SRRM3: variants seen among roughly 807,000 people sequenced by gnomAD.
The protein encoded by SRRM3 is serine/arginine repetitive matrix protein 3.
A neutral mutation model predicts 66.2 loss-of-function variants in SRRM3; 27 were observed. That is an observed-to-expected ratio of 0.41 (90% CI 0.30 to 0.56). SRRM3 has a LOEUF of 0.56. Among genes scored for constraint, SRRM3 ranks in the 20% least tolerant of loss-of-function variants. The pLI is 0.32. For synonymous variants in SRRM3, 391 were observed against 414.9 expected (o/e 0.94, Z 0.70); for missense variants, 918 against 991.9 (o/e 0.93, Z 1.00).
At chr7:76,208,347 A>G (rs1563604177) in intron 1 of SRRM3, among the ~76,000 whole-genome samples, 2 of 152,160 alleles carry the variant, frequency 1.3e-5, no homozygotes, top group Non-Finnish European at 1.5e-5. Flanking sequence ...TCCAGATGAT[A>G]CTAGAAGTGA....
chr7:76,277,157 C>A (rs1002156465), intron 11 of SRRM3, among the ~76,000 whole-genome samples: 1 of 152,172 alleles, frequency 6.6e-6, no homozygotes, highest in Non-Finnish European at 1.5e-5. Context: ...AAATAGCAGG[C>A]AGGAAGGATC....
Position 76,285,874 on chromosome 7 carries a change from G to A in SRRM3, c.*31G>A. ...GACAGACTCAGCTTGGTGCCCCCCT[G>A]GCACTGGGAGAGGCGAGGGGCGGGC... On this transcript the variant is annotated 3_prime_UTR_variant, in exon 15 of 15. Transcript: ENST00000611745. The surrounding 1 kb of genome is among the most constrained non-coding windows in gnomAD (Gnocchi z 4.1). 1 of 1,530,960 alleles carries A rather than the reference G, an allele frequency of 6.5e-7. No homozygotes were observed. Among genetic ancestry groups the A allele is most frequent in the Non-Finnish European group, 8.8e-7 (1 of 1,134,452 alleles). The allele number at this position is 1,530,960 out of a possible 1,614,324, so 94.8% of individuals were successfully genotyped here.
At chr7:76,209,229 G>A (rs782800505) in intron 1 of SRRM3, among the ~76,000 whole-genome samples, 82 of 152,308 alleles carry the variant, frequency 5.4e-4, no homozygotes, top group African/African-American at 1.8e-3. Flanking sequence ...CACGAGGCCC[G>A]AGGACACAGA....
chr7:76,260,653 C>T (rs897234510), intron 5 of SRRM3, among the ~76,000 whole-genome samples: 24 of 151,856 alleles, frequency 1.6e-4, no homozygotes, highest in Non-Finnish European at 3.1e-4. Flanking sequence ...TGACCGGGCC[C>T]GTGTGTTACC....
At chr7:76,266,712 G>C (rs1158154649) in intron 10 of SRRM3, among the ~76,000 whole-genome samples, 5 of 140,706 alleles carry the variant, frequency 3.6e-5, no homozygotes, top group Admixed American at 1.5e-4. Flanking sequence ...TTGCTGTGTT[G>C]CCCAGGCTGG....
At chr7:76,211,816 C>CTATTATTAT (rs60646233) in intron 1 of SRRM3, among the ~76,000 whole-genome samples, 174 of 140,640 alleles carry the variant, frequency 1.2e-3, no homozygotes, top group South Asian at 1.9e-3. Context: ...ACTATTACTA[C>CTATTATTAT]TATTATTATT....
chr7:76,276,583 C>T (rs1802353555), intron 11 of SRRM3, among the ~76,000 whole-genome samples: 1 of 152,038 alleles, frequency 6.6e-6, no homozygotes, highest in Non-Finnish European at 1.5e-5. Context: ...AGAGGGGATC[C>T]CTGCAAGAGG....
chr7:76,282,562 C>CCCCCCCT, intron 12 of SRRM3, 86 bp from the exon 13 acceptor site: 1 of 619,112 alleles, frequency 1.6e-6, no homozygotes, highest in Non-Finnish European at 2.4e-6. Flanking sequence ...CCCCTCCGCC[C>CCCCCCCT]TAAGCCCCGC....
At chr7:76,213,815 G>A (rs1800494410) in intron 1 of SRRM3, among the ~76,000 whole-genome samples, 1 of 152,034 alleles carries the variant, frequency 6.6e-6, no homozygotes, top group African/African-American at 2.4e-5. Context: ...TGTCACCCAA[G>A]CTGGAATGCA....
At chr7:76,223,830 C>G (rs1800781909) in intron 1 of SRRM3, among the ~76,000 whole-genome samples, 4 of 41,668 alleles carry the variant, frequency 9.6e-5, no homozygotes, top group African/African-American at 2.2e-4. Context: ...GCCTTCCCTT[C>G]CCTTCCCTTC....
intron 3 of SRRM3, among the ~76,000 whole-genome samples, chr7:76,259,574 C>G (rs1801801490): frequency 6.8e-6 from 1 of 148,136 alleles, no homozygotes; most frequent in African/African-American, 2.6e-5. Context: ...AAGACCCTAT[C>G]TCCAAAATTA....
rs369463227 is a variant in SRRM3, at chr7:76,252,844, T to C, written c.335+4555T>C. ...AATCATTAAGGGGCTATGAATGGGATTGTGAACTATGAAGCACTCTTTAAA... is the reference window on the plus strand; with the variant it reads ...AATCATTAAGGGGCTATGAATGGGACTGTGAACTATGAAGCACTCTTTAAA... On this transcript the variant is annotated intron_variant, in intron 3 of 14. Transcript: ENST00000611745. Among the ~76,000 whole-genome samples the C allele has an allele frequency of 4.6e-5, 7 of 152,118 alleles. 1 individual carries two copies. The highest frequency in any genetic ancestry group is 1.7e-4 in the African/African-American group (7 of 41,424).
intron 1 of SRRM3, among the ~76,000 whole-genome samples, chr7:76,220,307 C>T (rs1554603037): frequency 1.3e-5 from 2 of 152,136 alleles, no homozygotes; most frequent in African/African-American, 4.8e-5. Flanking sequence ...TCCTTCCAGG[C>T]AGTCAGGGAA....
intron 8 of SRRM3, 81 bp from the exon 9 acceptor site, chr7:76,264,684 C>G: frequency 1.4e-6 from 2 of 1,457,824 alleles, no homozygotes; most frequent in Non-Finnish European, 1.9e-6. Flanking sequence ...CAGATCCACA[C>G]CTGAGTATAC....
chr7:76,218,880 G>A (rs1800639744), intron 1 of SRRM3, among the ~76,000 whole-genome samples: 2 of 151,588 alleles, frequency 1.3e-5, no homozygotes, highest in Non-Finnish European at 1.5e-5. Context: ...TTCAGACAGA[G>A]TGTCGCTCTT....
At position 76,266,232 on chromosome 7, in the gene SRRM3, A is replaced by AATATATATAAATATTTATATATTTAT. The variant is rs1802030947; in HGVS notation, c.830+789_830+790insTATATATATAAATATTTATATATTTA. 9.3e-5 allele frequency among the ~76,000 whole-genome samples: 7 copies of AATATATATAAATATTTATATATTTAT among 74,964 alleles called. No homozygotes were observed. The South Asian group carries it at 2.6e-3, about 27-fold the overall frequency. 49.2% of individuals were successfully genotyped at this position (74,964 alleles called of 152,430 possible). On this transcript the variant is annotated intron_variant, in intron 10 of 14. Coordinates refer to ENST00000611745, the MANE Select transcript of SRRM3 (RefSeq NM_001110199.3). ...AATATATATAAATATTTATATATTT[A>AATATATATAAATATTTATATATTTAT]ATATATATAAATATTTATATATTTA... is the stretch of plus-strand genomic sequence containing the variant.
chr7:76,248,094 C>T lies in SRRM3; in HGVS notation c.234-94C>T, dbSNP rs570048036. ...TGCAAGCCGGAGTGTGCACTTGTGA[C>T]CCAGGGGTTGGCGGGGCTGGGCTGA... On this transcript the variant is annotated intron_variant, in intron 2 of 14. Coordinates refer to ENST00000611745, the MANE Select transcript of SRRM3 (RefSeq NM_001110199.3). 1.7e-5 allele frequency: 16 copies of T among 932,862 alleles called. No individual in the cohort carries two copies. In the South Asian group the frequency reaches 2.1e-4, roughly 12 times the overall value. The allele number at this position is 932,862 out of a possible 1,614,324, so 57.8% of individuals were successfully genotyped here. A position where few individuals can be genotyped will look rare whatever the true frequency, so the allele number is the denominator to read the frequency against.
intron 5 of SRRM3, 90 bp downstream of exon 5, chr7:76,260,287 T>C: frequency 1.0e-6 from 1 of 969,020 alleles, no homozygotes; most frequent in Non-Finnish European, 1.4e-6. Flanking sequence ...CATGCAGCAT[T>C]TGTGAGCCCC....
chr7:76,265,317 C>CTGGG, intron 9 of SRRM3, 47 bp from the exon 10 acceptor site: 1 of 1,456,768 alleles, frequency 6.9e-7, no homozygotes, highest in Non-Finnish European at 9.4e-7. Flanking sequence ...GGGGGGATCA[C>CTGGG]GGGGGGCAGA....
Sources: gnomAD v4.1 joint callset for allele counts (sites outside exome capture counted in the v4.1 genomes callset) on GRCh38, gnomAD v4.1.1 for gene constraint, Gnocchi (gnomAD v3.1) non-coding constraint, MANE v1.5 for transcripts, NCBI Gene and HGNC (gene_info 2026-07-23, HGNC 2026-07-21) for gene names.